Variants in ANKS1B observed in about 807,000 individuals in gnomAD.
The protein encoded by ANKS1B is ankyrin repeat and sterile alpha motif domain containing 1B.
In ANKS1B, 36 loss-of-function variants were observed where a neutral mutation model predicts 148.3. The observed-to-expected ratio is 0.24, with a 90% CI of 0.19 to 0.32. The LOEUF (loss-of-function observed/expected upper bound fraction) is 0.32. Ranked by LOEUF, ANKS1B falls within the 10% of genes least tolerant of loss-of-function variation. The pLI is 1.00. For synonymous variants in ANKS1B, 542 were observed against 560.8 expected, an observed-to-expected ratio of 0.97 and a Z score of 0.47; for missense variants, 1,157 against 1,542.6, an observed-to-expected ratio of 0.75 and a Z score of 4.19.
intron 15 of ANKS1B, 21 bp from the exon 16 acceptor site, chr12:99,085,044 T>C: frequency 1.9e-6 from 3 of 1,570,096 alleles, no homozygotes; most frequent in Non-Finnish European, 2.6e-6. Context: ...ACAGAAATGT[T>C]ACAAGTTAAA....
intron 1 of ANKS1B, among the ~76,000 whole-genome samples, chr12:99,883,358 G>A (rs1327076940): frequency 6.7e-6 from 1 of 149,938 alleles, no homozygotes; most frequent in African/African-American, 2.5e-5. Flanking sequence ...AACAAAAAAA[G>A]AACCTCACGC....
rs565992876 is a variant in ANKS1B at position 99,694,116 on chromosome 12, A to G, written c.1129-38906T>C. On this transcript the variant is annotated intron_variant, in intron 8 of 26. Coordinates refer to ENST00000683438, the MANE Select transcript of ANKS1B (RefSeq NM_001352186.2). ...TTTTTATTCAAAGTTGTGAGTACCA[A>G]TAATTTTCTATAAAAGCATTAGAAT... Among the ~76,000 whole-genome samples, 201 of 150,506 alleles carry G rather than the reference A, an allele frequency of 1.3e-3. 1 individual carries two copies. The highest frequency in any genetic ancestry group is 4.7e-3 in the African/African-American group (193 of 41,048).
At chr12:99,851,269 G>A (rs189665050) in intron 1 of ANKS1B, among the ~76,000 whole-genome samples, 2 of 152,170 alleles carry the variant, frequency 1.3e-5, no homozygotes, top group Non-Finnish European at 2.9e-5. Context: ...CATGTTCAGA[G>A]AATTATTAAC....
intron 17 of ANKS1B, among the ~76,000 whole-genome samples, chr12:98,956,783 T>C (rs1421422677): frequency 2.6e-5 from 4 of 152,200 alleles, no homozygotes; most frequent in African/African-American, 7.2e-5. Context: ...TGCTGCATTG[T>C]ACGCAGACTT....
At chr12:99,112,778 A>G (rs1385896311) in intron 15 of ANKS1B, among the ~76,000 whole-genome samples, 1 of 152,170 alleles carries the variant, frequency 6.6e-6, no homozygotes, top group Non-Finnish European at 1.5e-5. Context: ...ATCATGGGCA[A>G]TTTAATTCTT....
At chr12:99,269,450 G>A (rs1190224779) in intron 12 of ANKS1B, among the ~76,000 whole-genome samples, 1 of 151,478 alleles carries the variant, frequency 6.6e-6, no homozygotes, top group Non-Finnish European at 1.5e-5. Flanking sequence ...GCATAAAATT[G>A]CATTAAACAG....
intron 12 of ANKS1B, among the ~76,000 whole-genome samples, chr12:99,355,113 A>G (rs1411987156): frequency 2.6e-5 from 4 of 152,098 alleles, no homozygotes; most frequent in Non-Finnish European, 5.9e-5. Flanking sequence ...CCTTTAATTG[A>G]TAAAACATTT....
chr12:99,758,386 T>C (rs922513259), intron 8 of ANKS1B, among the ~76,000 whole-genome samples: 6 of 152,010 alleles, frequency 3.9e-5, no homozygotes, highest in African/African-American at 1.4e-4. Context: ...AAAATACATA[T>C]AAATGATTCA....
intron 17 of ANKS1B, chr12:98,894,804 G>A (rs2099760659): frequency 4.1e-6 from 4 of 984,320 alleles, no homozygotes; most frequent in Non-Finnish European, 4.8e-6. Flanking sequence ...CGCCGAGGAA[G>A]GGCGGGAGAG....
intron 1 of ANKS1B, among the ~76,000 whole-genome samples, chr12:99,971,187 T>A (rs2095553751): frequency 6.6e-6 from 1 of 152,160 alleles, no homozygotes; most frequent in African/African-American, 2.4e-5. Context: ...CCATGAAAAA[T>A]TTTTAAGAAA....
In ANKS1B at chr12:99,969,772, T is replaced by C. The variant is rs143868773; in HGVS notation, c.134+14332A>G. Among the ~76,000 whole-genome samples the C allele has an allele frequency of 5.8e-4, 89 of 152,344 alleles. 1 individual carries two copies. Among genetic ancestry groups the C allele is most frequent in the Admixed American group, 4.2e-3 (64 of 15,296 alleles). On this transcript the variant is annotated intron_variant, in intron 1 of 26. Transcript: ENST00000683438. ...AACATAAGATATGCATTGATCCCTA[T>C]GGCACTAGGAAGCAATACAGCACAA... is the stretch of plus-strand genomic sequence containing the variant.
intron 15 of ANKS1B, among the ~76,000 whole-genome samples, chr12:99,129,708 T>C (rs921103158): frequency 3.3e-5 from 5 of 152,180 alleles, no homozygotes; most frequent in African/African-American, 9.7e-5. Context: ...CTTTATATCT[T>C]GGATATGGAG....
At chr12:98,760,634 G>A (rs922408696) in intron 25 of ANKS1B, among the ~76,000 whole-genome samples, 3 of 152,098 alleles carry the variant, frequency 2.0e-5, no homozygotes, top group Non-Finnish European at 4.4e-5. Context: ...CATTCATTTG[G>A]CAAAGAATCT....
intron 10 of ANKS1B, among the ~76,000 whole-genome samples, chr12:99,489,569 T>C (rs2096536250): frequency 1.3e-5 from 2 of 152,186 alleles, no homozygotes. Context: ...AGTCAGCTCA[T>C]ACCTTCAGAA....
chr12:99,690,966 A>AT (rs150040710), intron 8 of ANKS1B, among the ~76,000 whole-genome samples: 4,791 of 152,308 alleles, frequency 0.031, 279 homozygotes, highest in African/African-American at 0.11. Flanking sequence ...ACATCCAGGC[A>AT]TTTCCCTACA....
At chr12:98,947,961 T>C (rs2099847954) in intron 17 of ANKS1B, among the ~76,000 whole-genome samples, 1 of 152,282 alleles carries the variant, frequency 6.6e-6, no homozygotes, top group South Asian at 2.1e-4. Flanking sequence ...ATTCTTCAGC[T>C]CTTCATCAGG....
intron 16 of ANKS1B, chr12:99,079,830 A>G (rs983930442): frequency 3.9e-5 from 6 of 152,268 alleles, no homozygotes; most frequent in Non-Finnish European, 8.8e-5. Flanking sequence ...ACTGGCTGGA[A>G]CCAATAAGGC....
chr12:99,741,483 T>A (rs2060107720), intron 8 of ANKS1B, among the ~76,000 whole-genome samples: 1 of 152,060 alleles, frequency 6.6e-6, no homozygotes, highest in Non-Finnish European at 1.5e-5. Flanking sequence ...TAGCAAAGAC[T>A]TGGAACCAAC....
At chr12:99,368,987 C>T (rs2092936403) in intron 12 of ANKS1B, among the ~76,000 whole-genome samples, 2 of 152,122 alleles carry the variant, frequency 1.3e-5, no homozygotes, top group Admixed American at 1.3e-4. Flanking sequence ...CAAGGATCAT[C>T]AAAGAATGAT....
Sources: allele counts gnomAD v4.1 joint callset (sites outside exome capture counted in the v4.1 genomes callset), GRCh38; gene constraint gnomAD v4.1.1; transcripts MANE v1.5; gene names NCBI Gene and HGNC (gene_info 2026-07-23, HGNC 2026-07-21).